The following IGSF10 variants were observed in gnomAD, a reference collection of about 807,000 sequenced individuals.
IGSF10 encodes the protein calvaria mechanical force protein 608.
IGSF10 carries 126 observed loss-of-function variants against 128.2 expected under a neutral mutation model. The ratio of observed to expected loss-of-function variants is 0.98; its 90% CI spans 0.85 to 1.14. IGSF10 has a LOEUF of 1.14. IGSF10 is among the 50% of genes most tolerant of loss of function. The probability of loss-of-function intolerance (pLI) is 0.00; values close to 1 mark genes in which losing one functional copy is unlikely to be tolerated. For missense variants in IGSF10, 3,295 were observed against 3,149.8 expected (o/e 1.05, Z -1.10); for synonymous variants, 1,185 against 1,146.2 (o/e 1.03, Z -0.68).
At chr3:151,477,458 CT>C in the IGSF10 span, among the ~76,000 whole-genome samples, 1 of 152,090 alleles carries the variant, frequency 6.6e-6, no homozygotes, top group Non-Finnish European at 1.5e-5. Flanking sequence ...AAGGATTTAT[CT>C]TCATATACAT....
intron 2 of IGSF10, among the ~76,000 whole-genome samples, chr3:151,459,862 T>C (rs1295180110): frequency 1.3e-5 from 2 of 152,190 alleles, no homozygotes; most frequent in African/African-American, 4.8e-5. Context: ...CAACCACCCT[T>C]TAGCTACAAA....
intron 5 of IGSF10, among the ~76,000 whole-genome samples, chr3:151,450,667 T>C (rs6769246): frequency 0.76 from 116,042 of 151,834 alleles, 44,533 homozygotes; most frequent in Middle Eastern, 0.96. Flanking sequence ...GAGGCCGAGG[T>C]GGGCGGATCA....
chr3:151,506,617 C>A, the IGSF10 span, among the ~76,000 whole-genome samples: 1 of 152,068 alleles, frequency 6.6e-6, no homozygotes, highest in Non-Finnish European at 1.5e-5. Context: ...TGAGCAGATT[C>A]TTTTCCCTTA....
At chr3:151,523,619 G>C in the IGSF10 span, among the ~76,000 whole-genome samples, 1 of 152,154 alleles carries the variant, frequency 6.6e-6, no homozygotes, top group Admixed American at 6.6e-5. Context: ...GCCATATGCA[G>C]AAGATTGAAG....
At chr3:151,502,245 C>T in the IGSF10 span, among the ~76,000 whole-genome samples, 1 of 151,710 alleles carries the variant, frequency 6.6e-6, no homozygotes, top group Non-Finnish European at 1.5e-5. Flanking sequence ...TGATGATTTG[C>T]CAGAAGGTTT....
At chr3:151,615,666 C>T in the IGSF10 span, among the ~76,000 whole-genome samples, 19,789 of 151,868 alleles carry the variant, frequency 0.13, 1,536 homozygotes, top group African/African-American at 0.23. Context: ...AAATATGAAG[C>T]GCTGAAAGGA....
At chr3:151,558,450 T>A in the IGSF10 span, among the ~76,000 whole-genome samples, 30 of 152,142 alleles carry the variant, frequency 2.0e-4, 1 homozygote, top group Admixed American at 1.1e-3. Flanking sequence ...GCCAAGCACA[T>A]ACTCTTGCTA....
At chr3:151,515,966 C>A in the IGSF10 span, among the ~76,000 whole-genome samples, 3 of 151,992 alleles carry the variant, frequency 2.0e-5, no homozygotes, top group African/African-American at 4.8e-5. Context: ...GGCAAGAGGG[C>A]TGACACTACA....
the IGSF10 span, among the ~76,000 whole-genome samples, chr3:151,561,662 C>G: frequency 1.3e-5 from 2 of 151,966 alleles, no homozygotes; most frequent in Non-Finnish European, 2.9e-5. Context: ...CTAAGATATC[C>G]TGATAAAGAA....
chr3:151,568,054 T>C, the IGSF10 span, among the ~76,000 whole-genome samples: 524 of 152,308 alleles, frequency 3.4e-3, 2 homozygotes, highest in African/African-American at 0.012. Flanking sequence ...AATCTTTGGG[T>C]ACCTACTAGT....
the IGSF10 span, among the ~76,000 whole-genome samples, chr3:151,592,127 A>G: frequency 6.6e-6 from 1 of 152,074 alleles, no homozygotes; most frequent in Non-Finnish European, 1.5e-5. Context: ...TACCAGTTGT[A>G]TGACTTTGGG....
chr3:151,443,915 G>C (rs750815172), intron 6 of IGSF10, 31 bp from the exon 7 acceptor site: 6 of 1,500,732 alleles, frequency 4.0e-6, no homozygotes, highest in Non-Finnish European at 4.5e-6. Context: ...TTATTGCTAC[G>C]GGTCATCAAA....
chr3:151,460,077 G>A (rs1183087525), intron 2 of IGSF10, among the ~76,000 whole-genome samples, 184 bp downstream of exon 2: 2 of 152,134 alleles, frequency 1.3e-5, no homozygotes, highest in African/African-American at 4.8e-5. Context: ...CTTATCATTA[G>A]ATAAACAAAG....
the IGSF10 span, among the ~76,000 whole-genome samples, chr3:151,489,693 C>T: frequency 6.6e-6 from 1 of 152,088 alleles, no homozygotes; most frequent in African/African-American, 2.4e-5. Flanking sequence ...ATGCTGGAAA[C>T]TATCATTCTC....
chr3:151,487,007 A>AGT, the IGSF10 span, among the ~76,000 whole-genome samples: 3 of 108,864 alleles, frequency 2.8e-5, no homozygotes, highest in Non-Finnish European at 5.6e-5. Context: ...AAGGAGATAG[A>AGT]CATGAAATAC....
At chr3:151,585,970 C>T in the IGSF10 span, among the ~76,000 whole-genome samples, 1 of 150,868 alleles carries the variant, frequency 6.6e-6, no homozygotes, top group East Asian at 1.9e-4. Flanking sequence ...AGTTGCTTTG[C>T]TCACATTAAC....
rs1371881544 is a variant in IGSF10, at chr3:151,460,940, G to A, written c.-89+6C>T. ...TTTCCGGGGAAGGATTGGCCGAGGC[G>A]CTCACCTGTTTGCCCTGGTGACCAA... is the stretch of plus-strand genomic sequence containing the variant. On this transcript the variant is annotated splice_donor_region_variant and intron_variant, in intron 1 of 7. Transcript: ENST00000282466. 1 of 985,340 alleles carries A rather than the reference G, an allele frequency of 1.0e-6. No homozygotes were observed. Among genetic ancestry groups the A allele is most frequent in the Non-Finnish European group, 1.2e-6 (1 of 829,904 alleles). 61.0% of individuals were successfully genotyped at this position (985,340 alleles called of 1,614,324 possible).
chr3:151,535,021 TA>T, the IGSF10 span, among the ~76,000 whole-genome samples: 268 of 147,058 alleles, frequency 1.8e-3, no homozygotes, highest in African/African-American at 6.1e-3. Context: ...CTTTGGCAAT[TA>T]AAAAAAAAAG....
chr3:151,617,234 TTCTTCC>T, the IGSF10 span, among the ~76,000 whole-genome samples: 26 of 128,048 alleles, frequency 2.0e-4, 2 homozygotes, highest in African/African-American at 6.8e-4. Context: ...CCTCTTCTTC[TTCTTCC>T]TCCTCCTCTT....
Sources: allele counts gnomAD v4.1 joint callset (sites outside exome capture counted in the v4.1 genomes callset), GRCh38; gene constraint gnomAD v4.1.1; transcripts MANE v1.5; gene names NCBI Gene and HGNC (gene_info 2026-07-23, HGNC 2026-07-21).